Variants in MYH8 observed in about 807,000 individuals in gnomAD.
MYH8 encodes myosin-8.
Under a neutral mutation model 233.2 loss-of-function variants are expected in MYH8, and 168 were observed. The observed-to-expected ratio is 0.72, with a 90% CI of 0.64 to 0.82. The LOEUF is 0.82. Ranked by LOEUF, MYH8 falls within the 40% of genes least tolerant of loss-of-function variation. The pLI is 0.00. For synonymous variants in MYH8, 785 were observed against 850.6 expected (o/e 0.92, Z 1.34); for missense variants, 1,995 against 2,327.8 (o/e 0.86, Z 2.94).
rs773334843 is a variant in MYH8, at chr17:10,412,525, C to T, written c.1267-6G>A. ...GCACCCACCGCATTGTACACCTTCA[C>T]AGATAGAGTAATGTTTGTTGGTATT... On this transcript the variant is annotated splice_region_variant and splice_polypyrimidine_tract_variant and intron_variant, in intron 13 of 39. Coordinates refer to ENST00000403437, the MANE Select transcript of MYH8 (RefSeq NM_002472.3). The T allele has an allele frequency of 1.9e-6, 3 of 1,614,216 alleles. No individual in the cohort carries two copies. Among genetic ancestry groups the T allele is most frequent in the South Asian group, 2.2e-5 (2 of 91,088 alleles).
In MYH8 at chr17:10,394,390, T is replaced by C. The variant is rs373978447; in HGVS notation, c.5025A>G (p.Ala1675=). 6.2e-7 allele frequency: 1 copy of C among 1,614,142 alleles called. No individual in the cohort carries two copies. Among genetic ancestry groups the C allele is most frequent in the Non-Finnish European group, 8.5e-7 (1 of 1,180,018 alleles). The stretch of plus-strand genomic sequence containing the variant: ...GCAGGTTGGCTCTGCGCTCCACAAT[T>C]GCCAGCTGTTCCTTGAGGTCCTCCT... The part of the protein sequence containing the change: ...RGQEDLKEQL[A]IVERRANLLQ... The change falls in exon 35 of 40, where the codon GCA becomes GCG. Residue 1675 remains alanine, a synonymous_variant. Transcript: ENST00000403437.
In MYH8 at chr17:10,412,480, C is replaced by G; in HGVS notation, c.1306G>C (p.Glu436Gln). Reference sequence around the variant, plus strand: ...GTGACCATCCACAGGAACATCTTCTCGTAGACGGCTTTGGCCAGAGCACCC... The same window carrying G: ...GTGACCATCCACAGGAACATCTTCTGGTAGACGGCTTTGGCCAGAGCACCC... ...AVGALAKAVYEKMFLWMVTRI... is the reference protein window; with the variant it reads ...AVGALAKAVYQKMFLWMVTRI... Residue 436 changes from glutamate (E) to glutamine (Q), a missense_variant, in exon 14 of 40, where the codon GAG (glutamate) becomes CAG (glutamine). Physicochemically the swap from Glu to Gln is conservative, Grantham distance 29 (BLOSUM62 2). Transcript: ENST00000403437. 1 of 1,614,228 alleles carries G rather than the reference C, an allele frequency of 6.2e-7. No homozygotes were observed. The highest frequency in any genetic ancestry group is 1.1e-5 in the South Asian group (1 of 91,090).
At chr17:10,405,465 A>T (rs2072184728) in intron 21 of MYH8, among the ~76,000 whole-genome samples, 1 of 152,216 alleles carries the variant, frequency 6.6e-6, no homozygotes, top group Admixed American at 6.5e-5. Context: ...CATAACGTTC[A>T]CACATGGGAA....
chr17:10,392,519 T>C, intron 38 of MYH8, 23 bp downstream of exon 38: 3 of 1,598,272 alleles, frequency 1.9e-6, no homozygotes, highest in Non-Finnish European at 2.6e-6. Flanking sequence ...AGAGTGGATA[T>C]TCTGGAAGGC....
At chr17:10,408,728 G>C (rs986361311) in intron 17 of MYH8, among the ~76,000 whole-genome samples, 1 of 152,148 alleles carries the variant, frequency 6.6e-6, no homozygotes, top group African/African-American at 2.4e-5. Flanking sequence ...TGTATCTGAG[G>C]CTCATTCTCA....
In MYH8 at chr17:10,421,178, T is replaced by C. The variant is rs185343008; in HGVS notation, c.-31+485A>G. On this transcript the variant is annotated intron_variant, in intron 2 of 39. Coordinates refer to ENST00000403437, the MANE Select transcript of MYH8 (RefSeq NM_002472.3). The stretch of plus-strand genomic sequence containing the variant: ...GATTCCTCTTAAATTAGTCATGGTA[T>C]TTAACACCCGGTGGATGTAATACTT... Among the ~76,000 whole-genome samples the C allele has an allele frequency of 5.9e-5, 9 of 152,346 alleles. 1 individual carries two copies. In the Middle Eastern group the frequency reaches 0.01, roughly 173 times the overall value.
chr17:10,419,350 G>A lies in MYH8; in HGVS notation c.211-320C>T, dbSNP rs1296373666. On this transcript the variant is annotated intron_variant, in intron 3 of 39. Transcript: ENST00000403437. This position sits in a 1 kb window ranked among gnomAD's most constrained non-coding sequence, Gnocchi z 4.0. ...TGGGATTACAGGCGTGAGCCACTGC[G>A]CCTGGCTAAGACCAGTTCGTTTTAA... is the stretch of plus-strand genomic sequence containing the variant. Among the ~76,000 whole-genome samples, 2 of 152,176 alleles carry A rather than the reference G, an allele frequency of 1.3e-5. No individual in the cohort carries two copies. Among genetic ancestry groups the A allele is most frequent in the Admixed American group, 6.5e-5 (1 of 15,282 alleles).
chr17:10,408,161 G>A (rs2072212394), intron 17 of MYH8, among the ~76,000 whole-genome samples: 1 of 151,866 alleles, frequency 6.6e-6, no homozygotes, highest in Non-Finnish European at 1.5e-5. Flanking sequence ...GGCTGGTGTT[G>A]AATTCCTGAC....
At chr17:10,393,291 G>A (rs547388985) in intron 35 of MYH8, 81 bp from the exon 36 acceptor site, 76 of 1,542,048 alleles carry the variant, frequency 4.9e-5, no homozygotes, top group Non-Finnish European at 5.7e-5. Context: ...TTGTTGGTTC[G>A]TGCAGGGGAT....
chr17:10,409,317 A>G lies in MYH8; in HGVS notation c.1859T>C (p.Leu620Pro). 2.5e-6 allele frequency: 4 copies of G among 1,614,258 alleles called. No homozygotes were observed. Among genetic ancestry groups the G allele is most frequent in the African/African-American group, 1.3e-5 (1 of 75,080 alleles). ...GLYQKSAMKT[L>P]ASLFSTYASA... Reference sequence around the variant, plus strand: ...AGCATACGTGGAAAAGAGACTGGCTAGAGTCTTCATTGCAGACTTCTGGTA... The same window carrying G: ...AGCATACGTGGAAAAGAGACTGGCTGGAGTCTTCATTGCAGACTTCTGGTA... Residue 620 changes from leucine (L) to proline (P), a missense_variant, in exon 16 of 40, where the codon CTA becomes CCA. By Grantham distance (98) the Leu-to-Pro change is moderately conservative. Around this residue, in one of 3 missense-constraint regions of MYH8, gnomAD observed 1,498 missense variants for 1,680.9 expected, o/e 0.89. Coordinates refer to ENST00000403437, the MANE Select transcript of MYH8 (RefSeq NM_002472.3).
Position 10,398,542 on chromosome 17 carries a change from C to T in MYH8, c.4080G>A (p.Leu1360=). 1 of 1,614,212 alleles carries T rather than the reference C, an allele frequency of 6.2e-7. No homozygotes were observed. The highest frequency in any genetic ancestry group is 8.5e-7 in the Non-Finnish European group (1 of 1,180,034). Residue 1360 remains leucine, a synonymous_variant, in exon 30 of 40, where the codon CTG becomes CTA. Coordinates refer to ENST00000403437, the MANE Select transcript of MYH8 (RefSeq NM_002472.3). ...TGTTGGCCTTGGACAGCGCCCTCTGCAGCTCAGCTTTGCCTTCCTGCTCTT... is the reference window on the plus strand; with the variant it reads ...TGTTGGCCTTGGACAGCGCCCTCTGTAGCTCAGCTTTGCCTTCCTGCTCTT... ...YEEEQEGKAE[L]QRALSKANSE...
intron 15 of MYH8, 89 bp from the exon 16 acceptor site, chr17:10,409,677 C>T (rs893190506): frequency 6.6e-7 from 1 of 1,521,798 alleles, no homozygotes; most frequent in South Asian, 1.1e-5. Flanking sequence ...ATTATGAGCA[C>T]CCCAATTAAA....
intron 35 of MYH8, 60 bp downstream of exon 35, chr17:10,394,189 T>C: frequency 6.2e-7 from 1 of 1,603,360 alleles, no homozygotes; most frequent in South Asian, 1.1e-5. Flanking sequence ...TACTTTCATG[T>C]TATAATTCGA....
chr17:10,400,210 CA>C lies in MYH8; in HGVS notation c.3735+179del, dbSNP rs953553038. ...AGAGTGAGACTCCATCCCCCCGCTC[CA>C]AAAAAAAATCATCTTAATCGATCAT... On this transcript the variant is annotated intron_variant, in intron 27 of 39. Coordinates refer to ENST00000403437, the MANE Select transcript of MYH8 (RefSeq NM_002472.3). This position sits in a 1 kb window ranked among gnomAD's most constrained non-coding sequence, Gnocchi z 4.0. Among the ~76,000 whole-genome samples the C allele has an allele frequency of 6.0e-5, 9 of 149,334 alleles. No individual in the cohort carries two copies. Among genetic ancestry groups the C allele is most frequent in the African/African-American group, 1.7e-4 (7 of 40,604 alleles).
intron 34 of MYH8, 88 bp downstream of exon 34, chr17:10,395,045 A>G (rs994662005): frequency 1.4e-6 from 2 of 1,452,544 alleles, no homozygotes; most frequent in South Asian, 1.1e-5. Context: ...TGTTAAGAGA[A>G]AAAAAGGATC....
intron 10 of MYH8, 22 bp downstream of exon 10, chr17:10,414,364 A>G: frequency 6.2e-7 from 1 of 1,601,504 alleles, no homozygotes; most frequent in Non-Finnish European, 8.6e-7. Flanking sequence ...ACTTCTATCT[A>G]TGACTTTAAG....
chr17:10,407,882 A>G (rs1487488812), intron 17 of MYH8, among the ~76,000 whole-genome samples: 2 of 151,700 alleles, frequency 1.3e-5, no homozygotes, highest in Admixed American at 6.6e-5. Context: ...TTATGAAACT[A>G]TATAACCTTG....
chr17:10,398,644 C>CA lies in MYH8; in HGVS notation c.3982-5dup. 6.2e-7 allele frequency: 1 copy of CA among 1,614,154 alleles called. No individual in the cohort carries two copies. Among genetic ancestry groups the CA allele is most frequent in the Non-Finnish European group, 8.5e-7 (1 of 1,180,032 alleles). ...CGTGTGCCAGGGCGTTCTTGGCCTG[C>CA]AGAAGTAGCAGTTCAGTGACATAAA... On this transcript the variant is annotated splice_region_variant and splice_polypyrimidine_tract_variant and intron_variant, in intron 29 of 39. Coordinates refer to ENST00000403437, the MANE Select transcript of MYH8 (RefSeq NM_002472.3).
chr17:10,413,251 C>T (rs781036049), intron 12 of MYH8, among the ~76,000 whole-genome samples: 7 of 152,150 alleles, frequency 4.6e-5, no homozygotes, highest in African/African-American at 7.2e-5. Context: ...ATAAATGCCA[C>T]ATGTCAGGTA....
Sources: gnomAD v4.1 joint callset for allele counts (sites outside exome capture counted in the v4.1 genomes callset) on GRCh38, gnomAD v4.1.1 for gene constraint, gnomAD v4.1.1 regional missense constraint, Gnocchi (gnomAD v3.1) non-coding constraint, MANE v1.5 for transcripts, NCBI Gene and HGNC (gene_info 2026-07-23, HGNC 2026-07-21) for gene names.